The following AQR variants were observed in gnomAD, a reference collection of about 807,000 sequenced individuals.
AQR encodes RNA helicase aquarius.
AQR carries 61 observed loss-of-function variants against 180.5 expected under a neutral mutation model. The observed-to-expected ratio is 0.34, with a 90% CI of 0.28 to 0.42. The LOEUF (loss-of-function observed/expected upper bound fraction) is 0.42, where lower values mean the gene tolerates loss of function less well. AQR is among the 10% of genes least tolerant of loss of function. The pLI is 1.00. For missense variants in AQR, 1,281 were observed against 1,798.3 expected, an observed-to-expected ratio of 0.71 and a Z score of 5.20; for synonymous variants, 551 against 588.8, an observed-to-expected ratio of 0.94 and a Z score of 0.93.
intron 27 of AQR, among the ~76,000 whole-genome samples, chr15:34,879,955 G>A (rs991624833): frequency 6.6e-6 from 1 of 152,128 alleles, no homozygotes; most frequent in African/African-American, 2.4e-5. Context: ...CAGGGACCCA[G>A]GAAAGTAAGA....
At chr15:34,963,884 G>A (rs1278712179) in intron 2 of AQR, among the ~76,000 whole-genome samples, 3 of 151,872 alleles carry the variant, frequency 2.0e-5, no homozygotes, top group Non-Finnish European at 4.4e-5. Context: ...AGATGGTCTC[G>A]ATCTCCTGAC....
At chr15:34,916,741 A>C (rs1249331592) in intron 15 of AQR, among the ~76,000 whole-genome samples, 1 of 152,054 alleles carries the variant, frequency 6.6e-6, no homozygotes, top group African/African-American at 2.4e-5. Context: ...AGCCTGATCA[A>C]GCCTCTGCAC....
At position 34,915,131 on chromosome 15, in the gene AQR, T is replaced by C; in HGVS notation, c.1391A>G (p.Asp464Gly). Residue 464 changes from aspartate to glycine, a missense_variant, in exon 16 of 35, where the codon GAC (aspartate) becomes GGC (glycine). This residue lies in a region of AQR where 200 missense variants were observed against 293.4 expected (regional missense o/e 0.68). Transcript: ENST00000156471. ...GAGGTTAAAGTTCCTTAGCAGGTAGTCATGAAGAGTCAAAAACTGCAAATT... is the reference window on the plus strand; with the variant it reads ...GAGGTTAAAGTTCCTTAGCAGGTAGCCATGAAGAGTCAAAAACTGCAAATT... ...KLNLQFLTLH[D>G]YLLRNFNLFR... 1 of 1,610,728 alleles carries C rather than the reference T, an allele frequency of 6.2e-7. No homozygotes were observed. Among genetic ancestry groups the C allele is most frequent in the Non-Finnish European group, 8.5e-7 (1 of 1,179,250 alleles).
chr15:34,889,621 T>C (rs977719228), intron 24 of AQR, among the ~76,000 whole-genome samples: 1 of 152,172 alleles, frequency 6.6e-6, no homozygotes, highest in Non-Finnish European at 1.5e-5. Context: ...GCAAGAAGCA[T>C]CTGAAGTTAT....
chr15:34,857,269 G>T (rs1892600050), intron 34 of AQR, among the ~76,000 whole-genome samples, 163 bp from the exon 35 acceptor site: 2 of 152,064 alleles, frequency 1.3e-5, no homozygotes, highest in African/African-American at 2.4e-5. Flanking sequence ...CTAACACCAA[G>T]GAATATGCCT....
Position 34,910,221 on chromosome 15 carries a change from T to C in AQR, c.1577A>G (p.Asn526Ser). Residue 526 changes from asparagine to serine, a missense_variant, in exon 17 of 35, where the codon AAC becomes AGC. Physicochemically the swap from Asn to Ser is conservative, Grantham distance 46 (BLOSUM62 1). Coordinates refer to ENST00000156471, the MANE Select transcript of AQR (RefSeq NM_014691.3). ...AFTVVEVAKP[N>S]IGENWPTRVR... ...TCGGGTTGGCCAGTTTTCACCTATG[T>C]TGGGTTTGGCCACTTCAACGACAGT... The C allele has an allele frequency of 3.1e-6, 5 of 1,614,230 alleles. No homozygotes were observed. Among genetic ancestry groups the C allele is most frequent in the African/African-American group, 1.3e-5 (1 of 75,068 alleles).
chr15:34,856,950 G>A lies in AQR; in HGVS notation c.4300C>T (p.Gln1434Ter). Residue 1434 changes from glutamine (Q) to a stop codon, truncating the protein, a stop_gained, in exon 35 of 35, where the codon CAA becomes TAA. Transcript: ENST00000156471. LOFTEE classifies it low-confidence loss of function (END_TRUNC). Reference sequence around the variant, plus strand: ...GTCTCACTGGGGGTGGTGTCAGTTTGAAAGGCTGGAGTTTCTTGACGGCAG... The same window carrying A: ...GTCTCACTGGGGGTGGTGTCAGTTTAAAAGGCTGGAGTTTCTTGACGGCAG... ...TSCRQETPAF[Q>*]TDTTPSETGA... is the part of the protein sequence containing the mutation. 4 of 1,614,132 alleles carry A rather than the reference G, an allele frequency of 2.5e-6. No individual in the cohort carries two copies. Among genetic ancestry groups the A allele is most frequent in the Non-Finnish European group, 3.4e-6 (4 of 1,180,010 alleles).
chr15:34,915,260 G>C, intron 15 of AQR, 81 bp from the exon 16 acceptor site: 2 of 1,316,210 alleles, frequency 1.5e-6, no homozygotes, highest in Non-Finnish European at 2.0e-6. Flanking sequence ...GCACAATCTC[G>C]TCTCACTGCA....
chr15:34,945,138 A>G (rs565952279), intron 5 of AQR, among the ~76,000 whole-genome samples: 1 of 152,236 alleles, frequency 6.6e-6, no homozygotes. Context: ...TATTACTTCA[A>G]CCACTAAATA....
chr15:34,871,957 A>T (rs887128469), intron 30 of AQR, among the ~76,000 whole-genome samples: 22 of 113,324 alleles, frequency 1.9e-4, no homozygotes, highest in South Asian at 5.4e-4. Context: ...CACAATATTT[A>T]AAAAAAAAAA....
In AQR at chr15:34,855,538, T is replaced by C. The variant is rs1351926638; in HGVS notation, c.*1254A>G. The C allele has an allele frequency of 2.0e-5, 3 of 151,930 alleles. No homozygotes were observed. The highest frequency in any genetic ancestry group is 4.4e-5 in the Non-Finnish European group (3 of 67,940). 9.4% of individuals were successfully genotyped at this position (151,930 alleles called of 1,614,324 possible). ...ATACATATAAACATTTCCTTTTTTT[T>C]TTTTTTTTTTCCAGTTCTGGGCACC... On this transcript the variant is annotated 3_prime_UTR_variant, in exon 35 of 35. Transcript: ENST00000156471.
chr15:34,921,931 C>T (rs1893689845), intron 13 of AQR, among the ~76,000 whole-genome samples: 1 of 152,176 alleles, frequency 6.6e-6, no homozygotes, highest in African/African-American at 2.4e-5. Flanking sequence ...CCACCTCAGC[C>T]TCCCGAATAG....
At chr15:34,937,287 A>C (rs920368572) in intron 9 of AQR, among the ~76,000 whole-genome samples, 2 of 152,028 alleles carry the variant, frequency 1.3e-5, no homozygotes, top group African/African-American at 4.8e-5. Flanking sequence ...AGCCTCCCAA[A>C]GTGCTGGGAT....
intron 6 of AQR, 150 bp downstream of exon 6, chr15:34,944,138 T>A (rs1894072892): frequency 3.1e-6 from 2 of 645,700 alleles, no homozygotes; most frequent in South Asian, 7.7e-5. Context: ...ATGGTTTTAC[T>A]GATAAGTGGC....
intron 3 of AQR, among the ~76,000 whole-genome samples, chr15:34,959,870 G>A (rs1307712211): frequency 6.6e-6 from 1 of 152,234 alleles, no homozygotes; most frequent in Non-Finnish European, 1.5e-5. Context: ...GCTGGGTGCA[G>A]TGGCTAATGC....
intron 26 of AQR, 65 bp downstream of exon 26, chr15:34,884,460 C>A (rs574206879): frequency 2.9e-5 from 38 of 1,291,886 alleles, no homozygotes; most frequent in South Asian, 2.3e-4. Context: ...ACATTTACTT[C>A]AAAAAAAAAC....
At chr15:34,900,487 G>T in intron 20 of AQR, 135 bp downstream of exon 20, 4 of 1,046,466 alleles carry the variant, frequency 3.8e-6, no homozygotes, top group Non-Finnish European at 5.4e-6. Context: ...CCCAGTGATT[G>T]TATGGTGAAG....
intron 13 of AQR, among the ~76,000 whole-genome samples, chr15:34,922,751 T>C (rs1269543335): frequency 1.3e-5 from 2 of 151,888 alleles, no homozygotes; most frequent in Non-Finnish European, 2.9e-5. Context: ...CAAGTCATCC[T>C]TCCACCTCAG....
chr15:34,898,351 G>C (rs2140475386), intron 20 of AQR, among the ~76,000 whole-genome samples: 1 of 152,282 alleles, frequency 6.6e-6, no homozygotes, highest in East Asian at 1.9e-4. Context: ...ACTTTTTCCA[G>C]TTGTCTTTCA....
Sources: allele counts gnomAD v4.1 joint callset (sites outside exome capture counted in the v4.1 genomes callset), GRCh38; gene constraint gnomAD v4.1.1; regional missense constraint gnomAD v4.1.1; transcripts MANE v1.5; gene names NCBI Gene and HGNC (gene_info 2026-07-23, HGNC 2026-07-21).